The following MCTP1 variants were observed in gnomAD, a reference collection of about 807,000 sequenced individuals.
MCTP1 encodes the protein multiple C2 and transmembrane domain containing 1.
MCTP1 carries 69 observed loss-of-function variants against 120.6 expected under a neutral mutation model. The ratio of observed to expected loss-of-function variants is 0.57; its 90% confidence interval spans 0.47 to 0.70. The LOEUF (loss-of-function observed/expected upper bound fraction) is 0.70, where lower values mean the gene tolerates loss of function less well. MCTP1 is among the 30% of genes least tolerant of loss of function. The probability of loss-of-function intolerance (pLI) is 0.00; values close to 1 mark genes in which losing one functional copy is unlikely to be tolerated. For synonymous variants in MCTP1, 529 were observed against 493.1 expected, an observed-to-expected ratio of 1.07 and a Z score of -0.96; for missense variants, 1,203 against 1,248.8, an observed-to-expected ratio of 0.96 and a Z score of 0.55.
intron 1 of MCTP1, among the ~76,000 whole-genome samples, chr5:95,039,864 C>G (rs1276937079): frequency 8.8e-6 from 1 of 113,326 alleles, no homozygotes; most frequent in Non-Finnish European, 1.7e-5. Context: ...TATGAGTCTT[C>G]TCAGTACCGT....
At chr5:94,848,165 T>C (rs1792911142) in intron 17 of MCTP1, among the ~76,000 whole-genome samples, 1 of 152,132 alleles carries the variant, frequency 6.6e-6, no homozygotes, top group Non-Finnish European at 1.5e-5. Context: ...ATAACCAACA[T>C]GTAAATCAGC....
chr5:95,165,598 A>G (rs544092972), intron 1 of MCTP1, among the ~76,000 whole-genome samples: 24 of 152,334 alleles, frequency 1.6e-4, no homozygotes, highest in African/African-American at 5.8e-4. Context: ...CTCAGAGGAT[A>G]TAGCTGTCTG....
intron 2 of MCTP1, among the ~76,000 whole-genome samples, chr5:95,002,176 T>C (rs1327282122): frequency 1.3e-5 from 2 of 152,210 alleles, no homozygotes; most frequent in Non-Finnish European, 2.9e-5. Flanking sequence ...AGAGGATGTA[T>C]GGAAATACCT....
At chr5:94,823,092 C>T (rs559488576) in intron 17 of MCTP1, among the ~76,000 whole-genome samples, 1 of 152,270 alleles carries the variant, frequency 6.6e-6, no homozygotes, top group South Asian at 2.1e-4. Context: ...GTTGACATTG[C>T]TTTTGGTGTT....
chr5:94,859,929 C>A (rs922273610), intron 17 of MCTP1, among the ~76,000 whole-genome samples: 6 of 151,606 alleles, frequency 4.0e-5, no homozygotes, highest in Non-Finnish European at 5.9e-5. Context: ...ATGAAAAATT[C>A]TTGTTTCGAA....
chr5:95,140,012 C>A (rs181841283), intron 1 of MCTP1, among the ~76,000 whole-genome samples: 1 of 152,320 alleles, frequency 6.6e-6, no homozygotes, highest in Admixed American at 6.5e-5. Flanking sequence ...CTCTTCCATG[C>A]TGGAATCCCC....
chr5:94,703,740 C>T lies in MCTP1; in HGVS notation c.*3756G>A, dbSNP rs1753949603. On this transcript the variant is annotated 3_prime_UTR_variant, in exon 23 of 23. Transcript: ENST00000515393. ...ATTTTTTGATTCTTAACCCAGATCC[C>T]TCCTTTGAAAAGCACAGATAGAATC... 1 of 151,168 alleles carries T rather than the reference C, an allele frequency of 6.6e-6. No homozygotes were observed. Among genetic ancestry groups the T allele is most frequent in the Non-Finnish European group, 1.5e-5 (1 of 67,636 alleles). The allele number at this position is 151,168 out of a possible 1,614,324, so 9.4% of individuals were successfully genotyped here. A position where few individuals can be genotyped will look rare whatever the true frequency, so the allele number is the denominator to read the frequency against.
intron 2 of MCTP1, among the ~76,000 whole-genome samples, chr5:94,974,153 A>G (rs1827517516): frequency 6.6e-6 from 1 of 152,176 alleles, no homozygotes; most frequent in African/African-American, 2.4e-5. Flanking sequence ...AGAACTACAA[A>G]CATATTAAAA....
chr5:95,100,733 T>G (rs988694756), intron 1 of MCTP1, among the ~76,000 whole-genome samples: 3 of 152,172 alleles, frequency 2.0e-5, no homozygotes, highest in Non-Finnish European at 4.4e-5. Flanking sequence ...ATGTTGTAAT[T>G]TGATTGCTAC....
At chr5:94,707,734 A>C (rs1174442434) in intron 22 of MCTP1, among the ~76,000 whole-genome samples, 167 bp from the exon 23 acceptor site, 4 of 151,970 alleles carry the variant, frequency 2.6e-5, no homozygotes, top group African/African-American at 9.7e-5. Flanking sequence ...ACAGAGCAAG[A>C]ATAAGGGAAA....
chr5:95,128,117 G>T (rs945260578), intron 1 of MCTP1, among the ~76,000 whole-genome samples: 1 of 152,172 alleles, frequency 6.6e-6, no homozygotes, highest in African/African-American at 2.4e-5. Flanking sequence ...AATGCTAAAG[G>T]CTGGAAGGCT....
At chr5:95,196,685 T>G (rs953820389) in intron 1 of MCTP1, among the ~76,000 whole-genome samples, 2 of 152,178 alleles carry the variant, frequency 1.3e-5, no homozygotes, top group Admixed American at 1.3e-4. Flanking sequence ...GCACTGGGCC[T>G]TAACAGGAGC....
intron 5 of MCTP1, among the ~76,000 whole-genome samples, chr5:94,934,560 G>A (rs1334145637): frequency 1.3e-5 from 2 of 151,552 alleles, no homozygotes; most frequent in Admixed American, 1.3e-4. Flanking sequence ...TTGTTGAAGT[G>A]ACTTTTTAAG....
chr5:94,992,827 C>T (rs1028314954), intron 2 of MCTP1, among the ~76,000 whole-genome samples: 4 of 152,222 alleles, frequency 2.6e-5, no homozygotes, highest in South Asian at 2.1e-4. Context: ...CACTGCTTTC[C>T]GGAATTGTCT....
chr5:94,840,366 CCTT>C (rs1790750666), intron 17 of MCTP1, among the ~76,000 whole-genome samples: 1 of 152,198 alleles, frequency 6.6e-6, no homozygotes, highest in South Asian at 2.1e-4. Context: ...AACAGCTTCT[CCTT>C]CTCTCTTTTC....
chr5:94,796,276 TTTTGG>T (rs1779978687), intron 18 of MCTP1, among the ~76,000 whole-genome samples: 1 of 152,116 alleles, frequency 6.6e-6, no homozygotes, highest in South Asian at 2.1e-4. Flanking sequence ...TTTTGTTTTG[TTTTGG>T]TTTGATTTTT....
chr5:95,147,772 T>C (rs2152453458), intron 1 of MCTP1, among the ~76,000 whole-genome samples: 1 of 152,350 alleles, frequency 6.6e-6, no homozygotes, highest in South Asian at 2.1e-4. Context: ...GTAGACTTCA[T>C]TGTCTAATTG....
At chr5:94,928,110 CGAT>C (rs1813624753) in intron 6 of MCTP1, among the ~76,000 whole-genome samples, 1 of 151,562 alleles carries the variant, frequency 6.6e-6, no homozygotes, top group Admixed American at 6.6e-5. Flanking sequence ...TATATCATCA[CGAT>C]AATATTTGTT....
intron 2 of MCTP1, among the ~76,000 whole-genome samples, chr5:95,005,239 A>T (rs562002012): frequency 6.6e-6 from 1 of 152,054 alleles, no homozygotes; most frequent in Non-Finnish European, 1.5e-5. Flanking sequence ...CTGTAAACTC[A>T]TTGTATCTTG....
Sources: allele counts gnomAD v4.1 joint callset (sites outside exome capture counted in the v4.1 genomes callset), GRCh38; gene constraint gnomAD v4.1.1; transcripts MANE v1.5; gene names NCBI Gene and HGNC (gene_info 2026-07-23, HGNC 2026-07-21).